Variants in NBEA observed in about 807,000 individuals in gnomAD.
NBEA encodes the protein neurobeachin, also known as lysosomal-trafficking regulator 2.
In NBEA, 44 loss-of-function variants were observed where a neutral mutation model predicts 343.4. The observed-to-expected ratio is 0.13, with a 90% CI of 0.10 to 0.16. The LOEUF (loss-of-function observed/expected upper bound fraction) is 0.16. Ranked by LOEUF, NBEA falls within the 10% of genes least tolerant of loss-of-function variation. NBEA has a pLI of 1.00. For synonymous variants in NBEA, 1,175 were observed against 1,238.7 expected (o/e 0.95, Z 1.08); for missense variants, 2,555 against 3,631.3 (o/e 0.70, Z 7.62).
chr13:35,079,158 T>C lies in NBEA; in HGVS notation c.1571+8306T>C, dbSNP rs916071942. ...ACATTGAGACAATACTATCAGAATT[T>C]AGAGATGATGGCCAAAGTCTATATT... On this transcript the variant is annotated intron_variant, in intron 10 of 58. Coordinates refer to ENST00000379939, the MANE Select transcript of NBEA (RefSeq NM_001385012.1). Among the ~76,000 whole-genome samples the C allele has an allele frequency of 2.6e-5, 4 of 152,160 alleles. No homozygotes were observed. The East Asian group carries it at 5.8e-4, about 22-fold the overall frequency.
intron 18 of NBEA, among the ~76,000 whole-genome samples, chr13:35,147,994 A>G (rs948389407): frequency 3.3e-5 from 5 of 152,102 alleles, no homozygotes; most frequent in Non-Finnish European, 7.4e-5. Context: ...CTTGGCTTTG[A>G]CTTGTTCTTG....
At chr13:35,624,048 GTGTGTGGGT>G (rs2083115160) in intron 48 of NBEA, among the ~76,000 whole-genome samples, 10 of 121,940 alleles carry the variant, frequency 8.2e-5, no homozygotes, top group African/African-American at 3.2e-4. Context: ...ATGCCTGTGT[GTGTGTGGGT>G]GTGTGTGTGT....
chr13:35,638,883 A>G (rs2083815257), intron 49 of NBEA, among the ~76,000 whole-genome samples: 1 of 152,200 alleles, frequency 6.6e-6, no homozygotes, highest in Non-Finnish European at 1.5e-5. Context: ...CAGTTATGTA[A>G]TATCACCATT....
intron 1 of NBEA, among the ~76,000 whole-genome samples, chr13:34,951,766 C>T (rs913296922): frequency 6.6e-6 from 1 of 152,208 alleles, no homozygotes; most frequent in Admixed American, 6.5e-5. Flanking sequence ...ACAGGGCTGA[C>T]TTTCACATGT....
intron 1 of NBEA, among the ~76,000 whole-genome samples, chr13:34,966,184 A>G (rs2059815383): frequency 6.6e-6 from 1 of 152,104 alleles, no homozygotes; most frequent in African/African-American, 2.4e-5. Flanking sequence ...TTTGGGCAAT[A>G]TGGAGCAAGA....
chr13:35,232,994 T>C (rs1264856406), intron 34 of NBEA, among the ~76,000 whole-genome samples: 1 of 152,102 alleles, frequency 6.6e-6, no homozygotes, highest in Non-Finnish European at 1.5e-5. Flanking sequence ...ATTTTTCTTA[T>C]TCACATAACA....
At chr13:35,670,810 A>G in intron 58 of NBEA, 91 bp from the exon 59 acceptor site, 2 of 860,792 alleles carry the variant, frequency 2.3e-6, no homozygotes, top group South Asian at 3.0e-5. Flanking sequence ...GTCTAGTGTA[A>G]AATGCCAAAC....
chr13:35,570,268 T>G (rs1232091810), intron 45 of NBEA, among the ~76,000 whole-genome samples: 3 of 152,108 alleles, frequency 2.0e-5, no homozygotes, highest in South Asian at 2.1e-4. Context: ...ACTCCTGACC[T>G]TGTGATCTAC....
chr13:35,167,450 C>T (rs60310112), intron 24 of NBEA, among the ~76,000 whole-genome samples: 14,632 of 150,436 alleles, frequency 0.097, 810 homozygotes, highest in South Asian at 0.16. Flanking sequence ...AAAAAAAGAA[C>T]ATATATATAT....
intron 38 of NBEA, among the ~76,000 whole-genome samples, chr13:35,424,589 A>G (rs2044527100): frequency 6.6e-6 from 1 of 152,256 alleles, no homozygotes; most frequent in South Asian, 2.1e-4. Context: ...ATGTTCATCA[A>G]GGATATTGGT....
At chr13:35,146,151 A>G (rs983490015) in intron 18 of NBEA, among the ~76,000 whole-genome samples, 1 of 152,166 alleles carries the variant, frequency 6.6e-6, no homozygotes, top group Non-Finnish European at 1.5e-5. Context: ...AGCATTGCCA[A>G]TACTTGAAAG....
intron 8 of NBEA, among the ~76,000 whole-genome samples, chr13:35,059,341 T>C (rs551581000): frequency 2.0e-5 from 3 of 152,058 alleles, no homozygotes; most frequent in African/African-American, 7.2e-5. Context: ...GGTACAGTAG[T>C]GAGTATACTA....
chr13:35,347,452 A>G (rs887375097), intron 36 of NBEA, among the ~76,000 whole-genome samples: 3 of 152,140 alleles, frequency 2.0e-5, no homozygotes, highest in Admixed American at 6.6e-5. Flanking sequence ...TAAAAAGGAC[A>G]TAGACAAAGG....
chr13:35,550,388 G>A (rs2079259835), intron 41 of NBEA, 89 bp from the exon 42 acceptor site: 1 of 705,898 alleles, frequency 1.4e-6, no homozygotes, highest in African/African-American at 1.8e-5. Flanking sequence ...TTCATTTCTA[G>A]TTTTCTGACT....
rs2069581044 is a variant in NBEA at position 35,161,765 on chromosome 13, T to C, written c.3877T>C (p.Ser1293Pro). ...CCTTCTTTAGGCTGTGCAGGGTCGG[T>C]CTATCACCCAACAAGACCGAGATCT... ...TTTTQAVQGRSITQQDRDLRV... is the reference protein window; with the variant it reads ...TTTTQAVQGRPITQQDRDLRV... The change falls in exon 23 of 59, where the codon TCT (serine) becomes CCT (proline). Residue 1293 changes from serine to proline, a missense_variant. By Grantham distance (74) the Ser-to-Pro change is moderately conservative. Around this residue, in one of 21 missense-constraint regions of NBEA, gnomAD observed 367 missense variants for 377.5 expected, o/e 0.97. Coordinates refer to ENST00000379939, the MANE Select transcript of NBEA (RefSeq NM_001385012.1). The C allele has an allele frequency of 6.2e-7, 1 of 1,610,946 alleles. No individual in the cohort carries two copies. Among genetic ancestry groups the C allele is most frequent in the Admixed American group, 1.7e-5 (1 of 59,698 alleles).
intron 1 of NBEA, among the ~76,000 whole-genome samples, chr13:34,966,088 T>C (rs1422925787): frequency 6.6e-6 from 1 of 152,072 alleles, no homozygotes; most frequent in Non-Finnish European, 1.5e-5. Context: ...TATGGTATTC[T>C]GAATTAATAA....
At chr13:35,166,341 T>C (rs1454413245) in intron 24 of NBEA, among the ~76,000 whole-genome samples, 1 of 152,192 alleles carries the variant, frequency 6.6e-6, no homozygotes, top group Non-Finnish European at 1.5e-5. Context: ...TACATACTAT[T>C]GCACCAGTCA....
intron 28 of NBEA, among the ~76,000 whole-genome samples, chr13:35,181,369 G>A (rs781040224): frequency 4.0e-5 from 6 of 151,596 alleles, no homozygotes; most frequent in Non-Finnish European, 8.9e-5. Context: ...TGAGAGTAAG[G>A]TGGTATCACA....
chr13:34,969,700 A>G (rs1233353854), intron 1 of NBEA, among the ~76,000 whole-genome samples: 2 of 151,606 alleles, frequency 1.3e-5, no homozygotes, highest in Non-Finnish European at 2.9e-5. Context: ...AGCTCCATCT[A>G]TGTGTCTGCA....
Sources: gnomAD v4.1 joint callset for allele counts (sites outside exome capture counted in the v4.1 genomes callset) on GRCh38, gnomAD v4.1.1 for gene constraint, gnomAD v4.1.1 regional missense constraint, MANE v1.5 for transcripts, NCBI Gene and HGNC (gene_info 2026-07-23, HGNC 2026-07-21) for gene names.